Variants in RERE observed in about 807,000 individuals in gnomAD.
RERE encodes the protein arginine-glutamic acid dipeptide repeats protein.
Under a neutral mutation model 146.1 loss-of-function variants are expected in RERE, and 40 were observed. The ratio of observed to expected loss-of-function variants is 0.27; its 90% CI spans 0.21 to 0.36. RERE has a LOEUF of 0.36. Among genes scored for constraint, RERE ranks in the 10% least tolerant of loss-of-function variants. The pLI, the probability that RERE is intolerant of heterozygous loss-of-function variation, is 1.00. For synonymous variants in RERE, 1,003 were observed against 866.0 expected (o/e 1.16, Z -2.78); for missense variants, 1,933 against 2,138.7 (o/e 0.90, Z 1.90).
chr1:8,538,407 T>C (rs1645754339), intron 7 of RERE, among the ~76,000 whole-genome samples: 1 of 152,202 alleles, frequency 6.6e-6, no homozygotes, highest in South Asian at 2.1e-4. Flanking sequence ...TGCAAGGGTA[T>C]GCACCCTGGG....
At chr1:8,686,674 C>T (rs548803561) in intron 1 of RERE, among the ~76,000 whole-genome samples, 1 of 152,068 alleles carries the variant, frequency 6.6e-6, no homozygotes, top group East Asian at 1.9e-4. Context: ...CACTTGAACC[C>T]GGGAGGTGGC....
intron 4 of RERE, among the ~76,000 whole-genome samples, chr1:8,575,359 A>G (rs1308147058): frequency 6.6e-6 from 1 of 151,204 alleles, no homozygotes; most frequent in Non-Finnish European, 1.5e-5. Context: ...ATATTAACTG[A>G]TAACAAAGGA....
intron 12 of RERE, among the ~76,000 whole-genome samples, chr1:8,420,479 G>C (rs571247231): frequency 6.6e-6 from 1 of 152,268 alleles, no homozygotes; most frequent in East Asian, 1.9e-4. Flanking sequence ...CTCCCTGTGG[G>C]CTGTGAATGA....
intron 8 of RERE, among the ~76,000 whole-genome samples, chr1:8,497,739 C>A (rs1001765135): frequency 6.6e-6 from 1 of 152,146 alleles, no homozygotes; most frequent in East Asian, 1.9e-4. Flanking sequence ...CAATAGACTG[C>A]TTAATATCTG....
At chr1:8,703,359 A>T (rs1261404462) in intron 1 of RERE, 1 of 150,674 alleles carries the variant, frequency 6.6e-6, no homozygotes, top group Non-Finnish European at 1.5e-5. Flanking sequence ...CTCAGCTCGC[A>T]CTCCTTCAGC....
chr1:8,595,829 T>C (rs1052321917), intron 4 of RERE, among the ~76,000 whole-genome samples: 2 of 152,094 alleles, frequency 1.3e-5, no homozygotes, highest in Non-Finnish European at 2.9e-5. Context: ...ACTCAAATAA[T>C]ATAGGAAAGA....
chr1:8,776,127 C>T (rs996581144), intron 1 of RERE, among the ~76,000 whole-genome samples: 14 of 152,220 alleles, frequency 9.2e-5, no homozygotes, highest in Non-Finnish European at 2.1e-4. Context: ...GTAATAATCT[C>T]TAAATTCTTC....
rs955341982 is a variant in RERE at position 8,651,800 on chromosome 1, T to C, written c.325+4173A>G. ...CCCCCATCTGGGAATCTAATCACAG[T>C]ACTCTGCTGGTTTTTTTGGTTTTGT... is the stretch of plus-strand genomic sequence containing the variant. On this transcript the variant is annotated intron_variant, in intron 2 of 22. Coordinates refer to ENST00000400908, the MANE Select transcript of RERE (RefSeq NM_001042681.2). Among the ~76,000 whole-genome samples the C allele has an allele frequency of 5.3e-5, 8 of 151,992 alleles. 1 individual carries two copies. The highest frequency in any genetic ancestry group is 1.9e-4 in the African/African-American group (8 of 41,392).
chr1:8,387,566 TTAAGA>T (rs1642723667), intron 12 of RERE, among the ~76,000 whole-genome samples: 2 of 152,292 alleles, frequency 1.3e-5, no homozygotes, highest in South Asian at 4.1e-4. Flanking sequence ...CACACATTAT[TTAAGA>T]TGAGTATCTA....
At chr1:8,358,955 G>C in intron 19 of RERE, 39 bp from the exon 20 acceptor site, 1 of 1,499,530 alleles carries the variant, frequency 6.7e-7, no homozygotes, top group South Asian at 1.3e-5. Flanking sequence ...TCCCCCGAGC[G>C]CCTGGGGTCT....
chr1:8,461,798 C>G (rs373633088), intron 11 of RERE, among the ~76,000 whole-genome samples: 2 of 152,188 alleles, frequency 1.3e-5, no homozygotes, highest in East Asian at 1.9e-4. Context: ...GTAGGAAGAA[C>G]AAGAAGAAAG....
chr1:8,650,599 C>CA (rs943316370), intron 2 of RERE, among the ~76,000 whole-genome samples: 6 of 151,772 alleles, frequency 4.0e-5, no homozygotes, highest in Non-Finnish European at 7.4e-5. Flanking sequence ...CCTGTCTCTA[C>CA]AAAAAATACA....
intron 8 of RERE, 73 bp downstream of exon 8, chr1:8,508,554 G>T (rs370648094): frequency 1.2e-5 from 14 of 1,140,168 alleles, no homozygotes; most frequent in Non-Finnish European, 1.8e-5. Flanking sequence ...AAGATGCTGC[G>T]CAACAGAATA....
At position 8,705,451 on chromosome 1, in the gene RERE, G is replaced by A. The variant is rs532904762; in HGVS notation, c.-144-49010C>T. On this transcript the variant is annotated intron_variant, in intron 1 of 22. Transcript: ENST00000400908. The stretch of plus-strand genomic sequence containing the variant: ...AACAGCCACTCACAGACCGTTTAAA[G>A]CCTCCTTCAGATCTCAGGTCAAACA... Among the ~76,000 whole-genome samples the A allele has an allele frequency of 4.5e-4, 68 of 152,248 alleles. 1 individual carries two copies. The highest frequency in any genetic ancestry group is 2.5e-3 in the Admixed American group (38 of 15,290).
chr1:8,642,033 T>C (rs1647187410), intron 2 of RERE, among the ~76,000 whole-genome samples: 1 of 152,220 alleles, frequency 6.6e-6, no homozygotes, highest in African/African-American at 2.4e-5. Flanking sequence ...ATCAAAAGTA[T>C]CGTATTAACA....
chr1:8,391,973 G>A (rs1370929763), intron 12 of RERE, among the ~76,000 whole-genome samples: 4 of 152,186 alleles, frequency 2.6e-5, no homozygotes, highest in Admixed American at 2.6e-4. Context: ...GCTGCAGTGA[G>A]CCAAGATCGC....
chr1:8,386,474 T>G (rs2124417717), intron 12 of RERE, among the ~76,000 whole-genome samples: 1 of 150,940 alleles, frequency 6.6e-6, no homozygotes, highest in East Asian at 2.0e-4. Flanking sequence ...GGGCCTGAGC[T>G]CTGAAACCCA....
At chr1:8,767,604 C>CA (rs70985518) in intron 1 of RERE, among the ~76,000 whole-genome samples, 40,080 of 117,642 alleles carry the variant, frequency 0.34, 5,767 homozygotes, top group African/African-American at 0.37. Context: ...GGCCTTGTCT[C>CA]AAAAAAAAAA....
At chr1:8,783,807 T>A (rs1641211332) in intron 1 of RERE, among the ~76,000 whole-genome samples, 1 of 152,062 alleles carries the variant, frequency 6.6e-6, no homozygotes, top group African/African-American at 2.4e-5. Flanking sequence ...CCGGTGAACA[T>A]CTACCTCAGA....
Sources: allele counts gnomAD v4.1 joint callset (sites outside exome capture counted in the v4.1 genomes callset), GRCh38; gene constraint gnomAD v4.1.1; transcripts MANE v1.5; gene names NCBI Gene and HGNC (gene_info 2026-07-23, HGNC 2026-07-21).